SMAP1: variants seen among roughly 807,000 people sequenced by gnomAD.
SMAP1 encodes small ArfGAP 1.
A neutral mutation model predicts 58.5 loss-of-function variants in SMAP1; 24 were observed. That is an observed-to-expected ratio of 0.41 (90% CI 0.30 to 0.58). SMAP1 has a LOEUF of 0.58. Among genes scored for constraint, SMAP1 ranks in the 20% least tolerant of loss-of-function variants. The probability of loss-of-function intolerance (pLI) is 0.29; values close to 1 mark genes in which losing one functional copy is unlikely to be tolerated. For missense variants in SMAP1, 563 were observed against 566.3 expected, an observed-to-expected ratio of 0.99 and a Z score of 0.06; for synonymous variants, 216 against 196.6, an observed-to-expected ratio of 1.10 and a Z score of -0.82.
chr6:70,803,132 G>T (rs1438850935), intron 6 of SMAP1, among the ~76,000 whole-genome samples: 1 of 152,100 alleles, frequency 6.6e-6, no homozygotes, highest in Non-Finnish European at 1.5e-5. Flanking sequence ...AGTCTGTCTG[G>T]TCCTGGACTT....
chr6:70,784,133 G>A (rs1209624527), intron 4 of SMAP1, among the ~76,000 whole-genome samples: 1 of 152,228 alleles, frequency 6.6e-6, no homozygotes, highest in Non-Finnish European at 1.5e-5. Flanking sequence ...CCAGAAGAGA[G>A]TGGGGGCCAA....
chr6:70,705,297 A>T (rs1320099358), intron 1 of SMAP1, among the ~76,000 whole-genome samples: 2 of 149,490 alleles, frequency 1.3e-5, no homozygotes, highest in African/African-American at 4.9e-5. Flanking sequence ...TGTTGCCCAG[A>T]CTGGAGTGAA....
intron 2 of SMAP1, among the ~76,000 whole-genome samples, chr6:70,741,303 A>G (rs1393358263): frequency 6.6e-6 from 1 of 152,240 alleles, no homozygotes; most frequent in African/African-American, 2.4e-5. Context: ...TCCTAGATAC[A>G]GTGGGAATAC....
At chr6:70,728,417 A>G (rs1765275674) in intron 1 of SMAP1, among the ~76,000 whole-genome samples, 1 of 152,236 alleles carries the variant, frequency 6.6e-6, no homozygotes, top group African/African-American at 2.4e-5. Context: ...TATTAAAGAT[A>G]GTGATTTTTG....
chr6:70,806,951 T>C (rs1769159862), intron 6 of SMAP1, among the ~76,000 whole-genome samples: 1 of 152,190 alleles, frequency 6.6e-6, no homozygotes, highest in Admixed American at 6.5e-5. Flanking sequence ...AGCCCTGTGT[T>C]GTGTGTGTGT....
chr6:70,796,221 C>T (rs1194778857), intron 5 of SMAP1, among the ~76,000 whole-genome samples: 1 of 152,156 alleles, frequency 6.6e-6, no homozygotes, highest in Non-Finnish European at 1.5e-5. Flanking sequence ...CAAAACAGTG[C>T]CTGGCACATA....
intron 5 of SMAP1, 118 bp from the exon 6 acceptor site, chr6:70,798,539 A>C: frequency 1.5e-6 from 1 of 686,262 alleles, no homozygotes; most frequent in Non-Finnish European, 2.4e-6. Context: ...GCACGTAGAT[A>C]TTGTAATTAC....
intron 1 of SMAP1, among the ~76,000 whole-genome samples, chr6:70,671,256 C>G (rs1766252969): frequency 6.6e-6 from 1 of 151,980 alleles, no homozygotes; most frequent in Non-Finnish European, 1.5e-5. Context: ...TCAGGAGTAG[C>G]CTGAACTTGG....
intron 1 of SMAP1, among the ~76,000 whole-genome samples, chr6:70,690,641 T>A (rs1025276620): frequency 1.3e-5 from 2 of 151,434 alleles, no homozygotes; most frequent in Middle Eastern, 3.2e-3. Flanking sequence ...TTTTCACACA[T>A]TAAACTGCAT....
At chr6:70,746,741 G>A (rs1766059486) in intron 2 of SMAP1, among the ~76,000 whole-genome samples, 1 of 152,186 alleles carries the variant, frequency 6.6e-6, no homozygotes, top group African/African-American at 2.4e-5. Flanking sequence ...AGTTTCAGAA[G>A]GAATGGTACC....
At chr6:70,711,006 C>T (rs1768036612) in intron 1 of SMAP1, among the ~76,000 whole-genome samples, 1 of 152,154 alleles carries the variant, frequency 6.6e-6, no homozygotes, top group Non-Finnish European at 1.5e-5. Flanking sequence ...CAATAACACA[C>T]ATGGAGCTGT....
At chr6:70,756,383 G>C (rs1432474177) in intron 3 of SMAP1, among the ~76,000 whole-genome samples, 1 of 152,086 alleles carries the variant, frequency 6.6e-6, no homozygotes, top group African/African-American at 2.4e-5. Flanking sequence ...TGAGAAGTTA[G>C]TAATTTGTAT....
chr6:70,792,748 C>T (rs1209220184), intron 5 of SMAP1, among the ~76,000 whole-genome samples: 4 of 152,062 alleles, frequency 2.6e-5, no homozygotes, highest in Non-Finnish European at 5.9e-5. Flanking sequence ...CGGCAAGGCT[C>T]CTATCTTTCT....
intron 6 of SMAP1, among the ~76,000 whole-genome samples, chr6:70,799,406 A>G (rs1208870366): frequency 6.6e-6 from 1 of 152,146 alleles, no homozygotes; most frequent in Non-Finnish European, 1.5e-5. Flanking sequence ...TAGCAGTGAT[A>G]TGCAGGATAG....
At chr6:70,783,182 A>C (rs1410496730) in intron 4 of SMAP1, among the ~76,000 whole-genome samples, 1 of 152,214 alleles carries the variant, frequency 6.6e-6, no homozygotes, top group Non-Finnish European at 1.5e-5. Context: ...GCTAATACCC[A>C]GGCAAACAGG....
At chr6:70,795,887 G>A (rs1255830253) in intron 5 of SMAP1, among the ~76,000 whole-genome samples, 2 of 151,812 alleles carry the variant, frequency 1.3e-5, no homozygotes, top group African/African-American at 2.4e-5. Flanking sequence ...ACAGGCGCCC[G>A]CCACCACGCC....
intron 6 of SMAP1, among the ~76,000 whole-genome samples, chr6:70,826,956 A>G (rs981061537): frequency 8.8e-5 from 13 of 148,106 alleles, no homozygotes; most frequent in African/African-American, 3.2e-4. Context: ...AAAAAAAAAA[A>G]AAAAGAAAAA....
At position 70,806,993 on chromosome 6, in the gene SMAP1, T is replaced by G. The variant is rs188672757; in HGVS notation, c.576+8256T>G. ...ATTTGTCATATATGTCTTCAGGTTC[T>G]TTATTGCAATTTAAAGTGCTGTTGT... is the stretch of plus-strand genomic sequence containing the variant. On this transcript the variant is annotated intron_variant, in intron 6 of 10. Coordinates refer to ENST00000370455, the MANE Select transcript of SMAP1 (RefSeq NM_001044305.3). 3.2e-3 allele frequency among the ~76,000 whole-genome samples: 488 copies of G among 152,322 alleles called. 2 individuals are homozygous for G. Among genetic ancestry groups the G allele is most frequent in the African/African-American group, 0.011 (469 of 41,570 alleles).
At chr6:70,780,333 T>C (rs964252177) in intron 4 of SMAP1, among the ~76,000 whole-genome samples, 3 of 152,156 alleles carry the variant, frequency 2.0e-5, no homozygotes, top group African/African-American at 7.2e-5. Context: ...CCCAGCACTT[T>C]AGGAGGCTGA....
Sources: allele counts gnomAD v4.1 joint callset (sites outside exome capture counted in the v4.1 genomes callset), GRCh38; gene constraint gnomAD v4.1.1; transcripts MANE v1.5; gene names NCBI Gene and HGNC (gene_info 2026-07-23, HGNC 2026-07-21).